RAB3GAP2: variants seen among roughly 807,000 people sequenced by gnomAD.
RAB3GAP2 encodes rab3 GTPase-activating protein non-catalytic subunit.
A neutral mutation model predicts 185.3 loss-of-function variants in RAB3GAP2; 87 were observed. The ratio of observed to expected loss-of-function variants is 0.47; its 90% confidence interval spans 0.39 to 0.56. The LOEUF (loss-of-function observed/expected upper bound fraction) is 0.56, where lower values mean the gene tolerates loss of function less well. Ranked by LOEUF, RAB3GAP2 falls within the 20% of genes least tolerant of loss-of-function variation. The pLI is 0.00. For missense variants in RAB3GAP2, 1,492 were observed against 1,638.2 expected (o/e 0.91, Z 1.54); for synonymous variants, 554 against 576.1 (o/e 0.96, Z 0.55).
intron 31 of RAB3GAP2, among the ~76,000 whole-genome samples, chr1:220,157,039 A>G (rs1466269981): frequency 6.6e-6 from 1 of 152,110 alleles, no homozygotes; most frequent in East Asian, 1.9e-4. Flanking sequence ...TCTGTCCAGG[A>G]ATAATATGGA....
Position 220,184,036 on chromosome 1 carries a change from A to C in RAB3GAP2, c.1998T>G (p.Asn666Lys), listed in dbSNP as rs780676558. Reference protein sequence around the residue: ...DFHLDTPFSDNDLALLLRLDE... With the variant: ...DFHLDTPFSDKDLALLLRLDE... ...TAATATAAAATGTGGGATTACTCAC[A>C]TTATCAGAGAATGGTGTGTCTAAAT... Residue 666 changes from asparagine (N) to lysine (K), a missense_variant and splice_region_variant, in exon 19 of 35, where the codon AAT (asparagine) becomes AAG (lysine). By Grantham distance (94) the Asn-to-Lys change is moderately conservative. This residue lies in a region of RAB3GAP2 where 681 missense variants were observed against 689.1 expected (regional missense o/e 0.99). Transcript: ENST00000358951. 1 of 1,557,390 alleles carries C rather than the reference A, an allele frequency of 6.4e-7. No individual in the cohort carries two copies. The highest frequency in any genetic ancestry group is 8.8e-7 in the Non-Finnish European group (1 of 1,133,366).
At chr1:220,193,157 C>G in intron 13 of RAB3GAP2, 83 bp downstream of exon 13, 1 of 1,530,822 alleles carries the variant, frequency 6.5e-7, no homozygotes, top group Non-Finnish European at 9.0e-7. Flanking sequence ...AGTTATCATC[C>G]AGAAGCTGAA....
chr1:220,232,891 G>T, intron 1 of RAB3GAP2, 28 bp from the exon 2 acceptor site: 2 of 1,590,080 alleles, frequency 1.3e-6, no homozygotes, highest in South Asian at 2.2e-5. Flanking sequence ...AACAATGCTT[G>T]CATGAAATAT....
At chr1:220,223,738 T>G (rs990088273) in intron 2 of RAB3GAP2, among the ~76,000 whole-genome samples, 1 of 151,770 alleles carries the variant, frequency 6.6e-6, no homozygotes, top group Non-Finnish European at 1.5e-5. Context: ...AATAAGCAAC[T>G]GGCTCAGAGC....
intron 31 of RAB3GAP2, among the ~76,000 whole-genome samples, chr1:220,155,293 A>C (rs1274670979): frequency 6.6e-6 from 1 of 152,172 alleles, no homozygotes; most frequent in Admixed American, 6.5e-5. Flanking sequence ...AGGTCATCCT[A>C]GGTATCTTCC....
Position 220,171,112 on chromosome 1 carries a change from T to C in RAB3GAP2, c.2586A>G (p.Gln862=), listed in dbSNP as rs758946393. 4 of 1,613,808 alleles carry C rather than the reference T, an allele frequency of 2.5e-6. No individual in the cohort carries two copies. Among genetic ancestry groups the C allele is most frequent in the African/African-American group, 2.7e-5 (2 of 74,908 alleles). The change falls in exon 24 of 35, where the codon CAA becomes CAG. Residue 862 remains glutamine, a synonymous_variant. Transcript: ENST00000358951. ...CCTCTGAATCAGCACCCAAAACTGT[T>C]TGGGAAAACTAATAAAAAATGCACT... The part of the protein sequence containing the change: ...SNNMTEKKFS[Q]TVLGADSEAL...
chr1:220,159,089 T>A, intron 29 of RAB3GAP2, among the ~76,000 whole-genome samples: 1 of 152,196 alleles, frequency 6.6e-6, no homozygotes. Flanking sequence ...CCATTATAAA[T>A]GTCTAATCGG....
At chr1:220,200,566 T>C (rs908858734) in intron 9 of RAB3GAP2, 1 of 529,228 alleles carries the variant, frequency 1.9e-6, no homozygotes, top group African/African-American at 1.9e-5. Context: ...TGGGGATAAA[T>C]GAATAGAATA....
At chr1:220,256,322 G>A (rs903589058) in intron 1 of RAB3GAP2, among the ~76,000 whole-genome samples, 2 of 152,156 alleles carry the variant, frequency 1.3e-5, no homozygotes, top group African/African-American at 4.8e-5. Flanking sequence ...ACACAGACCA[G>A]TAATACTATG....
intron 6 of RAB3GAP2, 84 bp from the exon 7 acceptor site, chr1:220,210,573 C>A: frequency 8.9e-7 from 1 of 1,129,276 alleles, no homozygotes; most frequent in Non-Finnish European, 1.4e-6. Flanking sequence ...AGTACCATTT[C>A]CCCAACAGTT....
At chr1:220,178,032 T>C (rs1665540213) in intron 21 of RAB3GAP2, among the ~76,000 whole-genome samples, 1 of 152,128 alleles carries the variant, frequency 6.6e-6, no homozygotes, top group African/African-American at 2.4e-5. Flanking sequence ...AGAGAGAATT[T>C]AGAAAACAGC....
chr1:220,246,148 C>T lies in RAB3GAP2; in HGVS notation c.116-13285G>A, dbSNP rs868259833. ...ACAGACACTTCTCAAAAGAAGACATCTATGCAGCCAAAAAACACATGAAAA... is the reference window on the plus strand; with the variant it reads ...ACAGACACTTCTCAAAAGAAGACATTTATGCAGCCAAAAAACACATGAAAA... On this transcript the variant is annotated intron_variant, in intron 1 of 34. Coordinates refer to ENST00000358951, the MANE Select transcript of RAB3GAP2 (RefSeq NM_012414.4). Among the ~76,000 whole-genome samples, 12 of 152,108 alleles carry T rather than the reference C, an allele frequency of 7.9e-5. No homozygotes were observed. In the South Asian group the frequency reaches 8.3e-4, roughly 11 times the overall value.
chr1:220,184,850 G>T (rs76047717), intron 18 of RAB3GAP2, among the ~76,000 whole-genome samples: 3 of 151,838 alleles, frequency 2.0e-5, no homozygotes, highest in Non-Finnish European at 4.4e-5. Flanking sequence ...GACAAGTGGT[G>T]TATGCTAAAG....
intron 31 of RAB3GAP2, among the ~76,000 whole-genome samples, chr1:220,156,205 C>T (rs1657854199): frequency 6.6e-6 from 1 of 152,164 alleles, no homozygotes; most frequent in Non-Finnish European, 1.5e-5. Context: ...CCCACCTTGT[C>T]TTCCCAAAGT....
At chr1:220,189,942 C>A in intron 16 of RAB3GAP2, 122 bp downstream of exon 16, 4 of 1,092,992 alleles carry the variant, frequency 3.7e-6, no homozygotes, top group Non-Finnish European at 5.5e-6. Flanking sequence ...ACACTTCAGC[C>A]TTACAGAGCA....
rs960796739 is a variant in RAB3GAP2, at chr1:220,240,763, C to CT, written c.116-7901dup. Among the ~76,000 whole-genome samples, 3 of 151,484 alleles carry CT rather than the reference C, an allele frequency of 2.0e-5. No homozygotes were observed. The East Asian group carries it at 5.8e-4, about 29-fold the overall frequency. On this transcript the variant is annotated intron_variant, in intron 1 of 34. Coordinates refer to ENST00000358951, the MANE Select transcript of RAB3GAP2 (RefSeq NM_012414.4). Reference sequence around the variant, plus strand: ...AGTAACCTGACTTTTCAATCTTTAACTTTTTTTTTATACCTATCACTGAAC... The same window carrying CT: ...AGTAACCTGACTTTTCAATCTTTAACTTTTTTTTTTATACCTATCACTGAAC...
At chr1:220,182,045 A>C (rs577549972) in intron 21 of RAB3GAP2, among the ~76,000 whole-genome samples, 1 of 150,602 alleles carries the variant, frequency 6.6e-6, no homozygotes, top group East Asian at 2.0e-4. Context: ...CTCTCAAAGT[A>C]AAAGAAAAAA....
Position 220,189,798 on chromosome 1 carries a change from T to C in RAB3GAP2, c.1715-31A>G, listed in dbSNP as rs1009441816. The C allele has an allele frequency of 9.9e-6, 14 of 1,407,780 alleles. No homozygotes were observed. The African/African-American group carries it at 1.9e-4, about 19-fold the overall frequency. The allele number at this position is 1,407,780 out of a possible 1,614,324, so 87.2% of individuals were successfully genotyped here. A position where few individuals can be genotyped will look rare whatever the true frequency, so the allele number is the denominator to read the frequency against. On this transcript the variant is annotated intron_variant, in intron 16 of 34. Transcript: ENST00000358951. ...AAGAAAAAAATAATCAAAGTAAAAT[T>C]TTAATTTTTATAACAGTGAAACATT... is the stretch of plus-strand genomic sequence containing the variant.
At chr1:220,179,077 A>G (rs1423328624) in intron 21 of RAB3GAP2, among the ~76,000 whole-genome samples, 3 of 152,150 alleles carry the variant, frequency 2.0e-5, no homozygotes, top group Non-Finnish European at 2.9e-5. Context: ...AAAAAAGAGC[A>G]GGAGAAGCTG....
Sources: allele counts gnomAD v4.1 joint callset (sites outside exome capture counted in the v4.1 genomes callset), GRCh38; gene constraint gnomAD v4.1.1; regional missense constraint gnomAD v4.1.1; transcripts MANE v1.5; gene names NCBI Gene and HGNC (gene_info 2026-07-23, HGNC 2026-07-21).